The following ATAD2B variants were observed in gnomAD, a reference collection of about 807,000 sequenced individuals.
ATAD2B encodes ATPase family AAA domain-containing protein 2B.
ATAD2B carries 40 observed loss-of-function variants against 167.6 expected under a neutral mutation model. The ratio of observed to expected loss-of-function variants is 0.24; its 90% CI spans 0.19 to 0.31. ATAD2B has a LOEUF of 0.31. Among genes scored for constraint, ATAD2B ranks in the 10% least tolerant of loss-of-function variants. ATAD2B has a pLI of 1.00. For missense variants in ATAD2B, 1,242 were observed against 1,757.2 expected, an observed-to-expected ratio of 0.71 and a Z score of 5.24; for synonymous variants, 579 against 596.5, an observed-to-expected ratio of 0.97 and a Z score of 0.43.
At chr2:23,792,110 T>C (rs1249418928) in intron 19 of ATAD2B, among the ~76,000 whole-genome samples, 2 of 151,748 alleles carry the variant, frequency 1.3e-5, no homozygotes, top group African/African-American at 2.4e-5. Context: ...TCGCCCAGGC[T>C]GGAGTGCAGT....
intron 13 of ATAD2B, among the ~76,000 whole-genome samples, chr2:23,850,308 C>G (rs1183546717): frequency 6.6e-6 from 1 of 151,910 alleles, no homozygotes; most frequent in Non-Finnish European, 1.5e-5. Context: ...GAAAAAATGA[C>G]AAGAGGAATT....
At chr2:23,872,956 TTC>T in intron 8 of ATAD2B, 1 of 750,928 alleles carries the variant, frequency 1.3e-6, no homozygotes, top group Non-Finnish European at 2.5e-6. Context: ...GCTGAAGCAG[TTC>T]TCCAGGTTCC....
intron 13 of ATAD2B, among the ~76,000 whole-genome samples, chr2:23,853,099 A>G (rs538857618): frequency 6.6e-6 from 1 of 152,310 alleles, no homozygotes; most frequent in Non-Finnish European, 1.5e-5. Flanking sequence ...AAATCCCTCA[A>G]TGTAATAAAG....
chr2:23,926,944 C>A lies in ATAD2B; in HGVS notation c.-174G>T. The A allele has an allele frequency of 1.3e-6, 1 of 743,346 alleles. No homozygotes were observed. The highest frequency in any genetic ancestry group is 2.0e-6 in the Non-Finnish European group (1 of 498,242). 46.0% of individuals were successfully genotyped at this position (743,346 alleles called of 1,614,324 possible). A position where few individuals can be genotyped will look rare whatever the true frequency, so the allele number is the denominator to read the frequency against. ...GAGAGCCGGGCAGAGGAAGGGAAGT[C>A]GGCGTGAGCAGGCGGCGTGCGGGAA... On this transcript the variant is annotated 5_prime_UTR_variant, in exon 1 of 28. Coordinates refer to ENST00000238789, the MANE Select transcript of ATAD2B (RefSeq NM_017552.4).
At chr2:23,822,602 G>A (rs922736802) in intron 16 of ATAD2B, among the ~76,000 whole-genome samples, 2 of 151,000 alleles carry the variant, frequency 1.3e-5, no homozygotes, top group Admixed American at 6.6e-5. Flanking sequence ...TAATCAGAGT[G>A]CTTACCTGCA....
chr2:23,839,503 G>T (rs1690537046), intron 13 of ATAD2B, among the ~76,000 whole-genome samples: 1 of 151,938 alleles, frequency 6.6e-6, no homozygotes, highest in South Asian at 2.1e-4. Flanking sequence ...TGATCATCTT[G>T]ATTTTTCTCT....
At chr2:23,779,717 A>C (rs1679712824) in intron 22 of ATAD2B, among the ~76,000 whole-genome samples, 1 of 152,204 alleles carries the variant, frequency 6.6e-6, no homozygotes, top group Non-Finnish European at 1.5e-5. Context: ...TGAGATCTAC[A>C]TATGATTAAA....
intron 17 of ATAD2B, among the ~76,000 whole-genome samples, chr2:23,818,141 C>CACACAG (rs1553404994): frequency 1.1e-5 from 1 of 94,584 alleles, no homozygotes; most frequent in Non-Finnish European, 2.2e-5. Context: ...CACACACACA[C>CACACAG]AGAGAGAGAG....
intron 1 of ATAD2B, among the ~76,000 whole-genome samples, chr2:23,908,627 C>T (rs1701817730): frequency 6.6e-6 from 1 of 152,044 alleles, no homozygotes; most frequent in Admixed American, 6.6e-5. Flanking sequence ...CTCAGCCATC[C>T]CATTACTGGG....
At chr2:23,871,287 C>CT (rs1695932893) in intron 8 of ATAD2B, among the ~76,000 whole-genome samples, 1 of 149,308 alleles carries the variant, frequency 6.7e-6, no homozygotes, top group Non-Finnish European at 1.5e-5. Context: ...CTCTGCTTTA[C>CT]TAAAAAAAAA....
the ATAD2B span, among the ~76,000 whole-genome samples, chr2:23,726,524 G>A: frequency 1.3e-5 from 2 of 152,318 alleles, no homozygotes; most frequent in South Asian, 4.1e-4. Flanking sequence ...TGAGCAGGCT[G>A]AGGGGGAGAG....
At chr2:23,699,582 C>T in the ATAD2B span, among the ~76,000 whole-genome samples, 2 of 152,230 alleles carry the variant, frequency 1.3e-5, no homozygotes, top group Non-Finnish European at 2.9e-5. Flanking sequence ...GTTGTCCTTT[C>T]TCCCCTGTCT....
At chr2:23,695,579 C>T in the ATAD2B span, 1 of 1,387,784 alleles carries the variant, frequency 7.2e-7, no homozygotes, top group East Asian at 2.5e-5. This position sits in a 1 kb window ranked among gnomAD's most constrained non-coding sequence, Gnocchi z 7.6. Context: ...GGAGGTGGCT[C>T]TCTCTTGCTA....
the ATAD2B span, among the ~76,000 whole-genome samples, chr2:23,692,094 T>C: frequency 6.6e-6 from 1 of 152,208 alleles, no homozygotes; most frequent in African/African-American, 2.4e-5. Flanking sequence ...CTCCGTGTCA[T>C]TTCTCTGTAG....
chr2:23,857,375 G>T, intron 13 of ATAD2B, 40 bp downstream of exon 13: 1 of 1,183,922 alleles, frequency 8.4e-7, no homozygotes, highest in Non-Finnish European at 1.2e-6. Flanking sequence ...AAGTCAATGC[G>T]TAAAAAAGAA....
At chr2:23,896,180 G>A (rs1486377177) in intron 1 of ATAD2B, among the ~76,000 whole-genome samples, 1 of 150,106 alleles carries the variant, frequency 6.7e-6, no homozygotes, top group Non-Finnish European at 1.5e-5. Flanking sequence ...AATTAGCTGG[G>A]TGTGGTGGCA....
chr2:23,855,278 C>T (rs917393749), intron 13 of ATAD2B, among the ~76,000 whole-genome samples: 2 of 150,970 alleles, frequency 1.3e-5, no homozygotes, highest in Non-Finnish European at 2.9e-5. Context: ...AAAAGATTTA[C>T]AGACATTTCA....
At chr2:23,709,633 C>G in the ATAD2B span, among the ~76,000 whole-genome samples, 1 of 149,458 alleles carries the variant, frequency 6.7e-6, no homozygotes, top group South Asian at 2.2e-4. Context: ...CTAAGGGTCT[C>G]CTTGCCAAAA....
chr2:23,924,135 G>GATCGC (rs547756961), intron 1 of ATAD2B, among the ~76,000 whole-genome samples: 126 of 152,232 alleles, frequency 8.3e-4, no homozygotes, highest in African/African-American at 2.9e-3. Flanking sequence ...AGTGAGCCGA[G>GATCGC]ATCGCGCCAC....
Sources: gnomAD v4.1 joint callset for allele counts (sites outside exome capture counted in the v4.1 genomes callset) on GRCh38, gnomAD v4.1.1 for gene constraint, Gnocchi (gnomAD v3.1) non-coding constraint, MANE v1.5 for transcripts, NCBI Gene and HGNC (gene_info 2026-07-23, HGNC 2026-07-21) for gene names.